GNAS: variants seen among roughly 807,000 people sequenced by gnomAD.
GNAS encodes protein ALEX.
A neutral mutation model predicts 54.5 loss-of-function variants in GNAS; 8 were observed. That is an observed-to-expected ratio of 0.15 (90% CI 0.09 to 0.26). The LOEUF is 0.26. GNAS is among the 10% of genes least tolerant of loss of function. The pLI is 1.00. For synonymous variants in GNAS, 204 were observed against 191.4 expected (o/e 1.07, Z -0.54); for missense variants, 170 against 529.8 (o/e 0.32, Z 6.67).
At chr20:58,895,503 G>T (rs2089960270) in intron 1 of GNAS, 109 bp from the exon 2 acceptor site, 1 of 747,256 alleles carries the variant, frequency 1.3e-6, no homozygotes, top group South Asian at 1.5e-5. Context: ...TTTGTGTTTG[G>T]TTTTTTGCAT....
chr20:58,889,320 C>T (rs1286737089), upstream of GNAS: 1 of 989,710 alleles, frequency 1.0e-6, no homozygotes, highest in Non-Finnish European at 1.2e-6. Flanking sequence ...GGCCGGCAGG[C>T]GCTGCCTTGC....
At position 58,877,997 on chromosome 20, in the gene GNAS, C is replaced by T. The variant is rs149043239; in HGVS notation, c.44-17615C>T. Among the ~76,000 whole-genome samples the T allele has an allele frequency of 4.9e-3, 749 of 151,902 alleles. 9 individuals carry two copies. The highest frequency in any genetic ancestry group is 0.018 in the African/African-American group (726 of 41,408). On this transcript the variant is annotated intron_variant, in intron 1 of 12. Coordinates refer to the GNAS transcript ENST00000306090. The stretch of plus-strand genomic sequence containing the variant: ...TTAGAGATGAAGGGAGCAGAGAGGG[C>T]GGAAAAAAAACAAAAACAAAGAAGG...
rs2086582910 is a variant in GNAS at position 58,857,862 on chromosome 20, C to T, written c.43+16976C>T. ...AGAAAAGGAAATTTGCTGGGGTCAC[C>T]TTGTACCTTGTCCTGGCTTTGTTCT... On this transcript the variant is annotated intron_variant, in intron 1 of 12. Transcript: ENST00000306090. The surrounding 1 kb of genome is among the most constrained non-coding windows in gnomAD (Gnocchi z 4.1). 6.6e-6 allele frequency among the ~76,000 whole-genome samples: 1 copy of T among 152,160 alleles called. No individual in the cohort carries two copies. The highest frequency in any genetic ancestry group is 1.5e-5 in the Non-Finnish European group (1 of 68,020).
intron 2 of GNAS, among the ~76,000 whole-genome samples, chr20:58,896,889 AC>A: frequency 6.6e-6 from 1 of 152,182 alleles, no homozygotes; most frequent in Non-Finnish European, 1.5e-5. Flanking sequence ...CCCCAAAAAA[AC>A]AAACAAAACA....
At chr20:58,896,838 A>C (rs2090113745) in intron 2 of GNAS, among the ~76,000 whole-genome samples, 1 of 152,106 alleles carries the variant, frequency 6.6e-6, no homozygotes, top group South Asian at 2.1e-4. Flanking sequence ...TCAAAAGGGG[A>C]GTTGGAGTCA....
upstream of GNAS, among the ~76,000 whole-genome samples, chr20:58,887,567 A>G (rs2088678415): frequency 6.6e-6 from 1 of 152,162 alleles, no homozygotes; most frequent in Admixed American, 6.5e-5. Flanking sequence ...ATTTTTATGC[A>G]TCTTTGGTTA....
At chr20:58,846,232 A>T (rs2085935253) in intron 1 of GNAS, among the ~76,000 whole-genome samples, 1 of 152,190 alleles carries the variant, frequency 6.6e-6, no homozygotes, top group South Asian at 2.1e-4. Flanking sequence ...AAGTCGTTTG[A>T]AGGAATAAAG....
chr20:58,854,699 G>T (rs1199692843), intron 1 of GNAS: 1 of 1,529,674 alleles, frequency 6.5e-7, no homozygotes, highest in Non-Finnish European at 8.7e-7. Flanking sequence ...CCGCCCCTGC[G>T]GCTGCTGAGA....
chr20:58,864,814 G>C (rs373267732), intron 1 of GNAS, among the ~76,000 whole-genome samples: 46 of 152,042 alleles, frequency 3.0e-4, no homozygotes, highest in African/African-American at 9.2e-4. Context: ...AAGCATTTTG[G>C]GGGGCTCAGT....
At chr20:58,848,747 C>A (rs1029622388) in intron 1 of GNAS, 5 of 395,186 alleles carry the variant, frequency 1.3e-5, no homozygotes, top group African/African-American at 8.2e-5. Context: ...ACCCCCAGCT[C>A]TTACTATACC....
intron 2 of GNAS, chr20:58,897,935 C>T (rs1209579564): frequency 6.6e-6 from 1 of 152,218 alleles, no homozygotes; most frequent in Non-Finnish European, 1.5e-5. Context: ...GGTTCTTCCT[C>T]CCTGATCTTG....
In GNAS at chr20:58,841,812, G is replaced by T; in HGVS notation, c.43+926G>T. 8.1e-7 allele frequency: 1 copy of T among 1,230,948 alleles called. No individual in the cohort carries two copies. The highest frequency in any genetic ancestry group is 1.0e-6 in the Non-Finnish European group (1 of 987,986). 76.3% of individuals were successfully genotyped at this position (1,230,948 alleles called of 1,614,324 possible). On this transcript the variant is annotated intron_variant, in intron 1 of 12. Transcript: ENST00000306090. This position sits in a 1 kb window ranked among gnomAD's most constrained non-coding sequence, Gnocchi z 5.0. ...TGGCCAGGCTGCATGCGGCTTAGCAGGAGACGTCCTGGGCTGTTTGCGCAG... is the reference window on the plus strand; with the variant it reads ...TGGCCAGGCTGCATGCGGCTTAGCATGAGACGTCCTGGGCTGTTTGCGCAG...
chr20:58,909,462 G>A lies in GNAS; in HGVS notation c.659+39G>A, dbSNP rs2146274630. ...TACCTTTTTATATAACAGAGATCATGGTTTCTTGACATTCACCCCAGTCCC... is the reference window on the plus strand; with the variant it reads ...TACCTTTTTATATAACAGAGATCATAGTTTCTTGACATTCACCCCAGTCCC... On this transcript the variant is annotated intron_variant, in intron 8 of 12. Transcript: ENST00000371085. This position sits in a 1 kb window ranked among gnomAD's most constrained non-coding sequence, Gnocchi z 7.3. The A allele has an allele frequency of 6.2e-7, 1 of 1,609,950 alleles. No homozygotes were observed. Among genetic ancestry groups the A allele is most frequent in the Non-Finnish European group, 8.5e-7 (1 of 1,176,248 alleles).
In GNAS at chr20:58,854,434, C is replaced by G. The variant is rs1473330285; in HGVS notation, c.43+13548C>G. ...GCCGCCGGGGCAGCCTCAGCGGATACCGCTGCCAGGGCAGCCCCTGCAGCC... is the reference window on the plus strand; with the variant it reads ...GCCGCCGGGGCAGCCTCAGCGGATAGCGCTGCCAGGGCAGCCCCTGCAGCC... On this transcript the variant is annotated intron_variant, in intron 1 of 12. Transcript: ENST00000306090. 1.9e-6 allele frequency: 3 copies of G among 1,572,958 alleles called. No homozygotes were observed. The African/African-American group carries it at 4.1e-5, about 21-fold the overall frequency.
Position 58,853,003 on chromosome 20 carries a change from C to T in GNAS, c.43+12117C>T. 7.8e-7 allele frequency: 1 copy of T among 1,279,574 alleles called. No individual in the cohort carries two copies. Among genetic ancestry groups the T allele is most frequent in the Non-Finnish European group, 9.9e-7 (1 of 1,014,048 alleles). The allele number at this position is 1,279,574 out of a possible 1,614,324, so 79.3% of individuals were successfully genotyped here. A position where few individuals can be genotyped will look rare whatever the true frequency, so the allele number is the denominator to read the frequency against. On this transcript the variant is annotated intron_variant, in intron 1 of 12. Transcript: ENST00000306090. This position sits in a 1 kb window ranked among gnomAD's most constrained non-coding sequence, Gnocchi z 4.4. ...GTAAGGATAGACCAAGGAAGAGGGG[C>T]TGGGGGGCAGCCTGGGGGCATGAAA...
chr20:58,890,878 T>TC (rs1348312593), upstream of GNAS: 1 of 152,342 alleles, frequency 6.6e-6, no homozygotes, highest in Non-Finnish European at 1.5e-5. Flanking sequence ...CCTCGCTTTT[T>TC]CCACACTCCT....
intron 1 of GNAS, among the ~76,000 whole-genome samples, chr20:58,877,356 C>G (rs1330353094): frequency 1.3e-5 from 2 of 152,048 alleles, no homozygotes; most frequent in Admixed American, 1.3e-4. Flanking sequence ...CAGCCAGGGG[C>G]AAATGGTGAA....
intron 1 of GNAS, among the ~76,000 whole-genome samples, chr20:58,864,727 C>G (rs1438128730): frequency 6.6e-6 from 1 of 152,168 alleles, no homozygotes; most frequent in African/African-American, 2.4e-5. Context: ...TTCAAATAGG[C>G]CCCAAAGCTT....
upstream of GNAS, among the ~76,000 whole-genome samples, chr20:58,886,860 G>A (rs4812042): frequency 0.61 from 92,984 of 152,142 alleles, 28,729 homozygotes; most frequent in East Asian, 0.72. Flanking sequence ...TTTACAAAGT[G>A]AATGCTTTAT....
Sources: allele counts gnomAD v4.1 joint callset (sites outside exome capture counted in the v4.1 genomes callset), GRCh38; gene constraint gnomAD v4.1.1; non-coding constraint Gnocchi (gnomAD v3.1); transcripts MANE v1.5; gene names NCBI Gene and HGNC (gene_info 2026-07-23, HGNC 2026-07-21).